Variants in PDPK1 observed in about 807,000 individuals in gnomAD.
PDPK1 encodes 3-phosphoinositide dependent protein kinase 1.
In PDPK1, 7 loss-of-function variants were observed where a neutral mutation model predicts 39.8. The ratio of observed to expected loss-of-function variants is 0.18; its 90% CI spans 0.10 to 0.33. The LOEUF is 0.33. Among genes scored for constraint, PDPK1 ranks in the 10% least tolerant of loss-of-function variants. The probability of loss-of-function intolerance (pLI) is 1.00; values close to 1 mark genes in which losing one functional copy is unlikely to be tolerated. For synonymous variants in PDPK1, 118 were observed against 159.1 expected (o/e 0.74, Z 1.95); for missense variants, 182 against 384.7 (o/e 0.47, Z 4.41).
rs543874303 is a variant in PDPK1 at position 2,601,793 on chromosome 16, T to C, written c.*4026T>C. Reference sequence around the variant, plus strand: ...TAGGGCGTGGTTGTCCCAGCTGGTGTAGATTTCAGGCCGCCCCCCCCAACT... The same window carrying C: ...TAGGGCGTGGTTGTCCCAGCTGGTGCAGATTTCAGGCCGCCCCCCCCAACT... On this transcript the variant is annotated 3_prime_UTR_variant, in exon 14 of 14. Transcript: ENST00000342085. The C allele has an allele frequency of 4.5e-6, 1 of 221,980 alleles. No homozygotes were observed. The highest frequency in any genetic ancestry group is 5.9e-5 in the Admixed American group (1 of 16,902). 13.8% of individuals were successfully genotyped at this position (221,980 alleles called of 1,614,324 possible).
intron 11 of PDPK1, among the ~76,000 whole-genome samples, chr16:2,594,877 T>A (rs1330540645): frequency 6.6e-6 from 1 of 152,076 alleles, no homozygotes; most frequent in Non-Finnish European, 1.5e-5. Context: ...ATCCCAGCAC[T>A]TTGGGAGGCC....
At chr16:2,586,652 C>T in intron 10 of PDPK1, 24 bp from the exon 11 acceptor site, 1 of 1,606,150 alleles carries the variant, frequency 6.2e-7, no homozygotes. Flanking sequence ...AGGTGCGGTT[C>T]TCACTTTCCC....
At chr16:2,546,002 G>C (rs187527120) in intron 1 of PDPK1, among the ~76,000 whole-genome samples, 125 of 152,258 alleles carry the variant, frequency 8.2e-4, no homozygotes, top group African/African-American at 3.0e-3. Context: ...TCACAATCTG[G>C]ATTTGTCTCA....
Position 2,597,376 on chromosome 16 carries a change from C to A in PDPK1, c.1554+101C>A. On this transcript the variant is annotated intron_variant, in intron 13 of 13. Transcript: ENST00000342085. The surrounding 1 kb of genome is among the most constrained non-coding windows in gnomAD (Gnocchi z 6.3). ...CTTGGCCAGAGGGAGCAGCGGGGAT[C>A]GGGGCAGCTGCCTCGCCCTTTCCGA... 9.1e-7 allele frequency: 1 copy of A among 1,093,538 alleles called. No individual in the cohort carries two copies. 67.7% of individuals were successfully genotyped at this position (1,093,538 alleles called of 1,614,324 possible).
Position 2,597,406 on chromosome 16 carries a change from C to T in PDPK1, c.1554+131C>T. ...CAGCTGCCTCGCCCTTTCCGACATC[C>T]CAGACGCCCACACTAGTGGCTCAGT... On this transcript the variant is annotated intron_variant, in intron 13 of 13. Coordinates refer to ENST00000342085, the MANE Select transcript of PDPK1 (RefSeq NM_002613.5). The surrounding 1 kb of genome is among the most constrained non-coding windows in gnomAD (Gnocchi z 6.3). 2.4e-6 allele frequency: 2 copies of T among 847,784 alleles called. No homozygotes were observed. Among genetic ancestry groups the T allele is most frequent in the East Asian group, 2.4e-5 (1 of 40,904 alleles). The allele number at this position is 847,784 out of a possible 1,614,324, so 52.5% of individuals were successfully genotyped here. A position where few individuals can be genotyped will look rare whatever the true frequency, so the allele number is the denominator to read the frequency against.
chr16:2,550,210 C>G (rs950768291), intron 1 of PDPK1, among the ~76,000 whole-genome samples: 1 of 151,142 alleles, frequency 6.6e-6, no homozygotes, highest in Non-Finnish European at 1.5e-5. Context: ...ACAGCAAGCA[C>G]TTAATAAATT....
In PDPK1 at chr16:2,587,907, G is replaced by A. The variant is rs2066909592; in HGVS notation, c.1343+1014G>A. ...ATTTTATGTTTTCCATTTTAATCTG[G>A]TAAGACGGGCTTCCCCCCTAATATT... On this transcript the variant is annotated intron_variant, in intron 11 of 13. Transcript: ENST00000342085. Among the ~76,000 whole-genome samples the A allele has an allele frequency of 3.3e-5, 5 of 152,256 alleles. No homozygotes were observed. In the South Asian group the frequency reaches 8.3e-4, roughly 25 times the overall value.
chr16:2,578,206 G>A (rs1263613185), intron 7 of PDPK1, among the ~76,000 whole-genome samples: 118 of 145,694 alleles, frequency 8.1e-4, no homozygotes, highest in African/African-American at 3.0e-3. Flanking sequence ...GCAGAGCGCA[G>A]GGAGGCCCTG....
chr16:2,579,261 G>C, intron 7 of PDPK1: 2 of 82,290 alleles, frequency 2.4e-5, no homozygotes, highest in South Asian at 8.3e-4. Flanking sequence ...GAGACCCAGA[G>C]GACAGTCCCT....
intron 1 of PDPK1, among the ~76,000 whole-genome samples, chr16:2,541,472 C>T (rs2066243673): frequency 6.6e-6 from 1 of 152,174 alleles, no homozygotes. Flanking sequence ...TGGCGTGGCA[C>T]TTTCCCCTTC....
chr16:2,553,078 C>T (rs1390890729), intron 1 of PDPK1, among the ~76,000 whole-genome samples: 1 of 146,042 alleles, frequency 6.8e-6, no homozygotes, highest in Non-Finnish European at 1.5e-5. Context: ...CAGGTCATAA[C>T]CAGGGAGTGG....
intron 11 of PDPK1, among the ~76,000 whole-genome samples, chr16:2,590,086 C>T (rs537971724): frequency 6.6e-5 from 10 of 152,268 alleles, no homozygotes; most frequent in East Asian, 1.9e-4. Flanking sequence ...CTGGACCTGT[C>T]GCTTGGCCTG....
At chr16:2,541,106 AG>A (rs1166362170) in intron 1 of PDPK1, among the ~76,000 whole-genome samples, 1 of 152,158 alleles carries the variant, frequency 6.6e-6, no homozygotes, top group Non-Finnish European at 1.5e-5. Context: ...CAGTGGTAAG[AG>A]GGAAGTGGTT....
chr16:2,595,717 C>A, intron 11 of PDPK1, 76 bp from the exon 12 acceptor site: 1 of 1,184,860 alleles, frequency 8.4e-7, no homozygotes. Flanking sequence ...ATGGGGAGTT[C>A]GTGTGGCAGG....
intron 6 of PDPK1, 200 bp from the exon 7 acceptor site, chr16:2,577,225 T>A: frequency 3.1e-6 from 2 of 634,932 alleles, no homozygotes; most frequent in East Asian, 6.0e-5. Context: ...GCGTGTCGGG[T>A]GGGAGCGCCA....
At chr16:2,588,546 C>A (rs2066924081) in intron 11 of PDPK1, among the ~76,000 whole-genome samples, 1 of 152,162 alleles carries the variant, frequency 6.6e-6, no homozygotes, top group Non-Finnish European at 1.5e-5. Context: ...TGGGGCTGTT[C>A]TTAGAGGGCC....
At chr16:2,558,597 G>A (rs1331891976) in intron 2 of PDPK1, among the ~76,000 whole-genome samples, 1 of 149,520 alleles carries the variant, frequency 6.7e-6, no homozygotes, top group African/African-American at 2.6e-5. Context: ...GACATGGGAC[G>A]TTTTGCTGAC....
At chr16:2,580,282 T>G (rs894560600) in intron 7 of PDPK1, among the ~76,000 whole-genome samples, 1 of 145,022 alleles carries the variant, frequency 6.9e-6, no homozygotes, top group South Asian at 2.2e-4. Context: ...GGGGTTTCCA[T>G]GGATTCACAC....
Position 2,602,064 on chromosome 16 carries a change from A to G in PDPK1, c.*4297A>G, listed in dbSNP as rs2067228228. On this transcript the variant is annotated 3_prime_UTR_variant, in exon 14 of 14. Coordinates refer to ENST00000342085, the MANE Select transcript of PDPK1 (RefSeq NM_002613.5). ...CCCCCCTTGCCTGGCTGGTTGACAG[A>G]CCCGGGGTGGTCACTGCTGAGACTT... The G allele has an allele frequency of 8.5e-6, 2 of 234,288 alleles. No homozygotes were observed. The highest frequency in any genetic ancestry group is 1.2e-4 in the East Asian group (2 of 16,534). The allele number at this position is 234,288 out of a possible 1,614,324, so 14.5% of individuals were successfully genotyped here.
Sources: gnomAD v4.1 joint callset for allele counts (sites outside exome capture counted in the v4.1 genomes callset) on GRCh38, gnomAD v4.1.1 for gene constraint, Gnocchi (gnomAD v3.1) non-coding constraint, MANE v1.5 for transcripts, NCBI Gene and HGNC (gene_info 2026-07-23, HGNC 2026-07-21) for gene names.